Variants in FRMPD4 observed in about 807,000 individuals in gnomAD.
FRMPD4 encodes the protein FERM and PDZ domain containing 4, also known as FERM and PDZ domain-containing protein 4.
Under a neutral mutation model 94.1 loss-of-function variants are expected in FRMPD4, and 22 were observed. That is an observed-to-expected ratio of 0.23 (90% CI 0.17 to 0.33). FRMPD4 has a LOEUF of 0.33. FRMPD4 is among the 10% of genes least tolerant of loss of function. The pLI, the probability that FRMPD4 is intolerant of heterozygous loss-of-function variation, is 1.00. For synonymous variants in FRMPD4, 631 were observed against 548.6 expected, an observed-to-expected ratio of 1.15 and a Z score of -2.10; for missense variants, 1,111 against 1,339.9, an observed-to-expected ratio of 0.83 and a Z score of 2.67.
chrX:12,388,754 A>G (rs1425849499), intron 1 of FRMPD4, among the ~76,000 whole-genome samples: 1 of 104,021 alleles, frequency 9.6e-6, no homozygotes, highest in Non-Finnish European at 1.9e-5. Context: ...AGCACTATTC[A>G]CAATAGCCAA....
intron 3 of FRMPD4, among the ~76,000 whole-genome samples, chrX:11,880,368 C>G (rs1371270308): frequency 9.0e-6 from 1 of 111,676 alleles, no homozygotes; most frequent in South Asian, 3.7e-4. Flanking sequence ...ATGATGATAA[C>G]TAGATCATCA....
intron 1 of FRMPD4, among the ~76,000 whole-genome samples, chrX:12,426,941 G>A (rs2056952731): frequency 9.1e-6 from 1 of 109,906 alleles, no homozygotes; most frequent in African/African-American, 3.3e-5. Context: ...GTGACCTCAG[G>A]GAAATTACAT....
intron 2 of FRMPD4, among the ~76,000 whole-genome samples, chrX:12,515,164 T>C (rs777798275): frequency 2.7e-5 from 3 of 112,007 alleles, no homozygotes; most frequent in Non-Finnish European, 5.6e-5. Context: ...CCTGGATTCA[T>C]TGATTTTTTA....
intron 3 of FRMPD4, among the ~76,000 whole-genome samples, chrX:11,921,382 G>A (rs2054055367): frequency 9.0e-6 from 1 of 110,963 alleles, no homozygotes; most frequent in Admixed American, 9.6e-5. Flanking sequence ...ATTGGATTAG[G>A]GTCCCACCCT....
At chrX:12,273,139 C>A (rs1467158805) in intron 1 of FRMPD4, among the ~76,000 whole-genome samples, 1 of 111,062 alleles carries the variant, frequency 9.0e-6, no homozygotes, top group African/African-American at 3.3e-5. Flanking sequence ...GGAACTCCAG[C>A]TCCTACCCTT....
intron 3 of FRMPD4, among the ~76,000 whole-genome samples, chrX:12,096,984 G>A (rs1039766037): frequency 2.1e-4 from 23 of 111,606 alleles, no homozygotes; most frequent in African/African-American, 7.5e-4. Flanking sequence ...AAAAGTGAAA[G>A]GAATTGGGGA....
chrX:12,553,820 T>C (rs2058566386), intron 2 of FRMPD4, among the ~76,000 whole-genome samples: 3 of 111,818 alleles, frequency 2.7e-5, no homozygotes, highest in Admixed American at 9.6e-5. Context: ...GTTTATTTTA[T>C]ACACAATGTG....
At chrX:12,331,515 G>A (rs1168351364) in intron 1 of FRMPD4, among the ~76,000 whole-genome samples, 1 of 97,115 alleles carries the variant, frequency 1.0e-5, no homozygotes, top group Non-Finnish European at 2.0e-5. Context: ...AATACCTATA[G>A]AAGCCCCGTG....
chrX:12,627,159 C>A (rs966608010), intron 4 of FRMPD4, among the ~76,000 whole-genome samples: 1 of 111,554 alleles, frequency 9.0e-6, no homozygotes, highest in African/African-American at 3.3e-5. Flanking sequence ...GCCTGTAGTC[C>A]CAGCTACTCA....
chrX:11,868,440 G>A (rs1312639484), intron 2 of FRMPD4, among the ~76,000 whole-genome samples: 1 of 111,650 alleles, frequency 9.0e-6, no homozygotes, highest in African/African-American at 3.3e-5. Context: ...ATGCATTTGG[G>A]AACACAAACC....
chrX:12,087,762 G>A (rs1179259700), intron 3 of FRMPD4, among the ~76,000 whole-genome samples: 3 of 112,033 alleles, frequency 2.7e-5, no homozygotes, highest in African/African-American at 9.7e-5. Context: ...ACAATGTTCT[G>A]TATAATTACT....
chrX:12,453,972 A>G (rs1054718807), intron 1 of FRMPD4, among the ~76,000 whole-genome samples: 1 of 112,375 alleles, frequency 8.9e-6, no homozygotes, highest in Non-Finnish European at 1.9e-5. Context: ...TTATTTCCAC[A>G]TGTTCTATTT....
chrX:12,609,393 T>A (rs189193521), intron 2 of FRMPD4, among the ~76,000 whole-genome samples: 1 of 111,774 alleles, frequency 8.9e-6, no homozygotes, highest in African/African-American at 3.3e-5. Flanking sequence ...GGATCAGGCA[T>A]GTTGGGGAGC....
chrX:12,202,008 A>C (rs1286841858), intron 1 of FRMPD4, among the ~76,000 whole-genome samples: 1 of 105,570 alleles, frequency 9.5e-6, no homozygotes, highest in Non-Finnish European at 2.0e-5. Context: ...TTTTTTTTTA[A>C]CCTCTCATGC....
intron 3 of FRMPD4, among the ~76,000 whole-genome samples, chrX:11,926,770 C>T (rs1212630664): frequency 9.0e-6 from 1 of 111,234 alleles, no homozygotes; most frequent in African/African-American, 3.3e-5. Flanking sequence ...TAATAACAGC[C>T]ACGTAGGACA....
At chrX:12,052,584 G>A (rs2054824483) in intron 3 of FRMPD4, among the ~76,000 whole-genome samples, 1 of 112,242 alleles carries the variant, frequency 8.9e-6, no homozygotes, top group African/African-American at 3.2e-5. Context: ...GTCACTCTGC[G>A]ACATTGGGCA....
intron 1 of FRMPD4, among the ~76,000 whole-genome samples, chrX:12,347,013 TA>T (rs901985624): frequency 9.0e-6 from 1 of 111,557 alleles, no homozygotes; most frequent in Non-Finnish European, 1.9e-5. Context: ...TAGGTTGTGA[TA>T]ATATAGTGAT....
intron 3 of FRMPD4, among the ~76,000 whole-genome samples, chrX:12,015,028 T>C (rs1185390867): frequency 9.1e-6 from 1 of 110,489 alleles, no homozygotes; most frequent in African/African-American, 3.3e-5. Flanking sequence ...AGAAGAAGAG[T>C]GGGCGAATTC....
intron 3 of FRMPD4, among the ~76,000 whole-genome samples, chrX:11,982,142 T>A (rs1402894664): frequency 9.0e-6 from 1 of 111,161 alleles, no homozygotes; most frequent in African/African-American, 3.3e-5. Context: ...TCTATTTTTG[T>A]TTGTCTGCAA....
Sources: allele counts gnomAD v4.1 joint callset (sites outside exome capture counted in the v4.1 genomes callset), GRCh38; gene constraint gnomAD v4.1.1; transcripts MANE v1.5; gene names NCBI Gene and HGNC (gene_info 2026-07-23, HGNC 2026-07-21).